NUP210: variants seen among roughly 807,000 people sequenced by gnomAD.
NUP210 encodes the protein nuclear pore membrane glycoprotein 210.
Under a neutral mutation model 196.0 loss-of-function variants are expected in NUP210, and 151 were observed. That is an observed-to-expected ratio of 0.77 (90% confidence interval 0.67 to 0.88). The LOEUF is 0.88. NUP210 is among the 40% of genes least tolerant of loss of function. The probability of loss-of-function intolerance (pLI) is 0.00; values close to 1 mark genes in which losing one functional copy is unlikely to be tolerated. For synonymous variants in NUP210, 1,070 were observed against 1,052.7 expected, an observed-to-expected ratio of 1.02 and a Z score of -0.32; for missense variants, 2,314 against 2,493.7, an observed-to-expected ratio of 0.93 and a Z score of 1.53.
chr3:13,353,407 C>T (rs1281963634), intron 18 of NUP210, 147 bp downstream of exon 18: 1 of 665,764 alleles, frequency 1.5e-6, no homozygotes. Context: ...CAGTGCCTCT[C>T]CTGGGGCCTC....
At chr3:13,405,386 T>C (rs1387687082) in intron 1 of NUP210, among the ~76,000 whole-genome samples, 1 of 152,138 alleles carries the variant, frequency 6.6e-6, no homozygotes, top group Non-Finnish European at 1.5e-5. Flanking sequence ...AGACTAAAAC[T>C]AAACCATCAG....
chr3:13,332,165 C>G, intron 29 of NUP210, 128 bp downstream of exon 29: 1 of 715,312 alleles, frequency 1.4e-6, no homozygotes, highest in Non-Finnish European at 2.5e-6. Context: ...GAGGCCTCAC[C>G]CATTCCAAGC....
At chr3:13,409,987 C>T (rs1700114142) in intron 1 of NUP210, among the ~76,000 whole-genome samples, 1 of 147,686 alleles carries the variant, frequency 6.8e-6, no homozygotes, top group South Asian at 2.2e-4. Context: ...CAGGTGCACG[C>T]CACCTGTAAT....
rs2124922138 is a variant in NUP210 at position 13,379,756 on chromosome 3, A to G, written c.818-35T>C. On this transcript the variant is annotated intron_variant, in intron 6 of 39. Coordinates refer to ENST00000254508, the MANE Select transcript of NUP210 (RefSeq NM_024923.4). The surrounding 1 kb of genome is among the most constrained non-coding windows in gnomAD (Gnocchi z 4.2). ...AAGAAACAAAAAATAACAGGGAAAG[A>G]GAGAGCAAAGACAGGAAATGTTAGA... is the stretch of plus-strand genomic sequence containing the variant. The G allele has an allele frequency of 2.0e-6, 3 of 1,531,412 alleles. No individual in the cohort carries two copies. Among genetic ancestry groups the G allele is most frequent in the Non-Finnish European group, 2.6e-6 (3 of 1,138,744 alleles). The allele number at this position is 1,531,412 out of a possible 1,614,324, so 94.9% of individuals were successfully genotyped here. A position where few individuals can be genotyped will look rare whatever the true frequency, so the allele number is the denominator to read the frequency against.
chr3:13,340,126 C>A lies in NUP210; in HGVS notation c.3292-93G>T, dbSNP rs1697405387. On this transcript the variant is annotated intron_variant, in intron 24 of 39. Transcript: ENST00000254508. This position sits in a 1 kb window ranked among gnomAD's most constrained non-coding sequence, Gnocchi z 4.0. ...AGAGCCAGGGCCCCAGTGCAGGCAG[C>A]TTCTGCCTTCTTCTCCCAGTCACTG... 1 of 1,599,340 alleles carries A rather than the reference C, an allele frequency of 6.3e-7. No individual in the cohort carries two copies.
intron 15 of NUP210, among the ~76,000 whole-genome samples, chr3:13,360,018 A>T (rs1698315215): frequency 6.6e-6 from 1 of 152,202 alleles, no homozygotes; most frequent in Non-Finnish European, 1.5e-5. Context: ...AAGCCCATGG[A>T]GGTGGCAAGC....
Position 13,319,770 on chromosome 3 carries a change from G to A in NUP210, c.5376C>T (p.Pro1792=), listed in dbSNP as rs199955751. 164 of 1,614,002 alleles carry A rather than the reference G, an allele frequency of 1.0e-4. No homozygotes were observed. Among genetic ancestry groups the A allele is most frequent in the East Asian group, 5.6e-4 (25 of 44,880 alleles). Residue 1792 remains proline (P), a synonymous_variant, in exon 37 of 40, where the codon CCC becomes CCT. Coordinates refer to ENST00000254508, the MANE Select transcript of NUP210 (RefSeq NM_024923.4). The part of the protein sequence containing the change: ...TVAFVVDRRG[P]GPYGASLFQH... ...TGTCGTTCCGTGACTCACAAGGACC[G>A]GGCCCACGGCGATCCACCACAAAAG...
intron 28 of NUP210, among the ~76,000 whole-genome samples, chr3:13,332,882 C>T (rs1002156822): frequency 1.9e-4 from 29 of 152,370 alleles, no homozygotes; most frequent in Non-Finnish European, 2.1e-4. Flanking sequence ...GATGTGAGCG[C>T]GGAGGGCAGC....
rs1442109576 is a variant in NUP210, at chr3:13,323,649, C to A, written c.4645-217G>T. 6.6e-6 allele frequency among the ~76,000 whole-genome samples: 1 copy of A among 152,226 alleles called. No individual in the cohort carries two copies. Among genetic ancestry groups the A allele is most frequent in the Non-Finnish European group, 1.5e-5 (1 of 68,040 alleles). On this transcript the variant is annotated intron_variant, in intron 33 of 39. Coordinates refer to ENST00000254508, the MANE Select transcript of NUP210 (RefSeq NM_024923.4). The surrounding 1 kb of genome is among the most constrained non-coding windows in gnomAD (Gnocchi z 4.3). ...TTCACAGCCCAGTTCTCCCATTGAA[C>A]AAGCTGCTTCCCCCAGCAGCTGACT...
At chr3:13,390,887 C>T (rs1377179511) in intron 4 of NUP210, among the ~76,000 whole-genome samples, 1 of 152,238 alleles carries the variant, frequency 6.6e-6, no homozygotes, top group Non-Finnish European at 1.5e-5. Context: ...AACTGGCCCC[C>T]CAGAAGTGCA....
chr3:13,387,214 G>A (rs867832757), intron 5 of NUP210, among the ~76,000 whole-genome samples: 13 of 152,234 alleles, frequency 8.5e-5, no homozygotes, highest in African/African-American at 3.1e-4. Flanking sequence ...TAAGCCTGCT[G>A]TCACAACTGA....
chr3:13,373,680 C>T lies in NUP210; in HGVS notation c.1587+38G>A, dbSNP rs375276751. On this transcript the variant is annotated intron_variant, in intron 12 of 39. Transcript: ENST00000254508. ...GAGGGGGCGGCTGGAGACCACCATC[C>T]GAGCCTCCCAGGGGGTGTCTTGGCC... is the stretch of plus-strand genomic sequence containing the variant. The T allele has an allele frequency of 1.2e-5, 19 of 1,607,300 alleles. No homozygotes were observed. In the African/African-American group the frequency reaches 1.2e-4, roughly 10 times the overall value.
chr3:13,414,083 G>C (rs1700265757), intron 1 of NUP210, among the ~76,000 whole-genome samples: 1 of 152,216 alleles, frequency 6.6e-6, no homozygotes, highest in African/African-American at 2.4e-5. Context: ...AGGAACAGGA[G>C]GCAGGCAGGC....
chr3:13,405,722 C>A (rs1699984266), intron 1 of NUP210, among the ~76,000 whole-genome samples: 1 of 152,160 alleles, frequency 6.6e-6, no homozygotes, highest in Admixed American at 6.5e-5. Context: ...GAATCCTCCA[C>A]CAGCCCTGTA....
rs904001857 is a variant in NUP210, at chr3:13,386,255, T to C, written c.817+20A>G. On this transcript the variant is annotated intron_variant, in intron 6 of 39. Coordinates refer to ENST00000254508, the MANE Select transcript of NUP210 (RefSeq NM_024923.4). ...AGGAGGAAGGAAGCATCTGTCATGATGGCAGAGCCAATGACACACCTGTAA... is the reference window on the plus strand; with the variant it reads ...AGGAGGAAGGAAGCATCTGTCATGACGGCAGAGCCAATGACACACCTGTAA... 3 of 1,606,206 alleles carry C rather than the reference T, an allele frequency of 1.9e-6. No homozygotes were observed. Among genetic ancestry groups the C allele is most frequent in the Non-Finnish European group, 1.7e-6 (2 of 1,175,896 alleles).
chr3:13,328,896 G>A lies in NUP210; in HGVS notation c.4161C>T (p.Thr1387=), dbSNP rs1696885323. The change falls in exon 31 of 40, where the codon ACC becomes ACT. Residue 1387 remains threonine, a synonymous_variant. Coordinates refer to ENST00000254508, the MANE Select transcript of NUP210 (RefSeq NM_024923.4). The part of the protein sequence containing the change: ...LRVSMSPVLH[T]QNKEALVAVP... ...CGGCCACCAGGGCCTCCTTGTTCTG[G>A]GTGTGCAGGACAGGGCTCATGGAAA... 1 of 1,614,008 alleles carries A rather than the reference G, an allele frequency of 6.2e-7. No individual in the cohort carries two copies. The highest frequency in any genetic ancestry group is 8.5e-7 in the Non-Finnish European group (1 of 1,180,000).
chr3:13,373,701 T>G lies in NUP210; in HGVS notation c.1587+17A>C. 2 of 1,613,400 alleles carry G rather than the reference T, an allele frequency of 1.2e-6. No homozygotes were observed. Among genetic ancestry groups the G allele is most frequent in the South Asian group, 1.1e-5 (1 of 91,074 alleles). On this transcript the variant is annotated intron_variant, in intron 12 of 39. Coordinates refer to ENST00000254508, the MANE Select transcript of NUP210 (RefSeq NM_024923.4). ...CATCCGAGCCTCCCAGGGGGTGTCT[T>G]GGCCCTGAGATCTCACCTTCATCTC...
chr3:13,341,592 T>A lies in NUP210; in HGVS notation c.3228+156A>T, dbSNP rs76189151. On this transcript the variant is annotated intron_variant, in intron 23 of 39. Coordinates refer to ENST00000254508, the MANE Select transcript of NUP210 (RefSeq NM_024923.4). ...CTAACTTTGCTGCCTCCCAGATCCC[T>A]AGAGCTCGTAACAGCTGCCTTTTGA... 1.6e-4 allele frequency among the ~76,000 whole-genome samples: 25 copies of A among 152,344 alleles called. No individual in the cohort carries two copies. The East Asian group carries it at 4.8e-3, about 29-fold the overall frequency.
intron 1 of NUP210, among the ~76,000 whole-genome samples, chr3:13,415,897 G>A (rs1354376904): frequency 6.6e-6 from 1 of 152,208 alleles, no homozygotes; most frequent in African/African-American, 2.4e-5. Flanking sequence ...CCTGTGAGGG[G>A]ATTTGCTGCA....
Sources: gnomAD v4.1 joint callset for allele counts (sites outside exome capture counted in the v4.1 genomes callset) on GRCh38, gnomAD v4.1.1 for gene constraint, Gnocchi (gnomAD v3.1) non-coding constraint, MANE v1.5 for transcripts, NCBI Gene and HGNC (gene_info 2026-07-23, HGNC 2026-07-21) for gene names.